PTPN20: variants seen among roughly 807,000 people sequenced by gnomAD.
The protein encoded by PTPN20 is protein tyrosine phosphatase non-receptor type 20.
In PTPN20, 9 loss-of-function variants were observed where a neutral mutation model predicts 35.0. That is an observed-to-expected ratio of 0.26 (90% CI 0.15 to 0.45). The LOEUF is 0.45. Among genes scored for constraint, PTPN20 ranks in the 20% least tolerant of loss-of-function variants. PTPN20 has a pLI of 1.00. For synonymous variants in PTPN20, 32 were observed against 100.2 expected (o/e 0.32, Z 4.06); for missense variants, 111 against 312.5 (o/e 0.36, Z 4.86).
rs2056495934 is a variant in PTPN20, at chr10:46,984,569, G to GT, written c.918+10dup. The GT allele has an allele frequency of 6.9e-7, 1 of 1,445,648 alleles. No individual in the cohort carries two copies. The highest frequency in any genetic ancestry group is 2.3e-5 in the East Asian group (1 of 43,924). The allele number at this position is 1,445,648 out of a possible 1,614,324, so 89.6% of individuals were successfully genotyped here. A position where few individuals can be genotyped will look rare whatever the true frequency, so the allele number is the denominator to read the frequency against. ...TTTCAAGTTGTGGAGAAGTCCGTAA[G>GT]TTTTTAAACATCAGTATTAGATATA... On this transcript the variant is annotated splice_donor_region_variant and intron_variant, in intron 8 of 10. Coordinates refer to ENST00000374339, the MANE Select transcript of PTPN20 (RefSeq NM_001042357.5).
At chr10:46,972,348 A>G (rs1387670923) in intron 7 of PTPN20, among the ~76,000 whole-genome samples, 3 of 151,902 alleles carry the variant, frequency 2.0e-5, no homozygotes, top group Non-Finnish European at 4.4e-5. Context: ...ACCATTGTAA[A>G]TCATTAGGAA....
chr10:46,953,396 T>TTTCTTTA (rs2047419946), intron 5 of PTPN20, among the ~76,000 whole-genome samples: 1 of 136,724 alleles, frequency 7.3e-6, no homozygotes, highest in South Asian at 2.2e-4. Context: ...TCTTTCTTTC[T>TTTCTTTA]TTTTTTTTGA....
chr10:46,996,166 T>C (rs1185036893), intron 9 of PTPN20, among the ~76,000 whole-genome samples: 3 of 152,234 alleles, frequency 2.0e-5, no homozygotes, highest in Non-Finnish European at 4.4e-5. Flanking sequence ...CAGTACATCT[T>C]TGGAAATAAC....
At chr10:46,991,826 G>A (rs2058022672) in intron 9 of PTPN20, among the ~76,000 whole-genome samples, 1 of 151,990 alleles carries the variant, frequency 6.6e-6, no homozygotes, top group South Asian at 2.1e-4. Flanking sequence ...TTGTAAGTAA[G>A]CTGACCTTTC....
chr10:46,942,037 A>G (rs1234421656), intron 3 of PTPN20, among the ~76,000 whole-genome samples: 4,456 of 10,456 alleles, frequency 0.43, 105 homozygotes, highest in Non-Finnish European at 0.45. Flanking sequence ...TGGTAGAGAC[A>G]GGGTTTCACC....
At chr10:46,939,099 A>AT (rs1184933380) in intron 2 of PTPN20, among the ~76,000 whole-genome samples, 19 of 147,796 alleles carry the variant, frequency 1.3e-4, no homozygotes, top group Admixed American at 1.1e-3. Context: ...GGAATTTCCT[A>AT]TTTTCAGAAC....
intron 1 of PTPN20, among the ~76,000 whole-genome samples, chr10:46,931,013 TATTA>T (rs1387945652): frequency 2.4e-5 from 2 of 84,654 alleles, no homozygotes; most frequent in Non-Finnish European, 4.2e-5. Flanking sequence ...TTACTCAATG[TATTA>T]ATTAGTGAAG....
At chr10:46,995,186 T>C (rs2058821855) in intron 9 of PTPN20, among the ~76,000 whole-genome samples, 1 of 152,146 alleles carries the variant, frequency 6.6e-6, no homozygotes, top group Non-Finnish European at 1.5e-5. Context: ...TTCTTCTGGA[T>C]GTGCAAGAAA....
intron 2 of PTPN20, among the ~76,000 whole-genome samples, chr10:46,939,948 A>G (rs2042926765): frequency 1.3e-5 from 2 of 152,296 alleles, no homozygotes; most frequent in East Asian, 3.9e-4. Flanking sequence ...CATGCCATAG[A>G]ATTTCTAAAT....
chr10:46,959,606 A>T, intron 5 of PTPN20, among the ~76,000 whole-genome samples: 1 of 128,902 alleles, frequency 7.8e-6, no homozygotes, highest in Non-Finnish European at 1.6e-5. Flanking sequence ...TTTTGTATTT[A>T]GTTGCCTTTT....
At chr10:46,945,430 C>G (rs1555140249) in intron 4 of PTPN20, among the ~76,000 whole-genome samples, 2 of 152,156 alleles carry the variant, frequency 1.3e-5, no homozygotes, top group African/African-American at 4.8e-5. Context: ...CCCGAATTTT[C>G]TTACAGAAGT....
intron 1 of PTPN20, among the ~76,000 whole-genome samples, chr10:46,919,087 T>C (rs1361510026): frequency 6.7e-6 from 1 of 148,792 alleles, no homozygotes; most frequent in African/African-American, 2.5e-5. Flanking sequence ...ATGTTGTCGA[T>C]GTTAATATGG....
At chr10:46,967,464 C>T (rs2135750602) in intron 6 of PTPN20, among the ~76,000 whole-genome samples, 1 of 100,542 alleles carries the variant, frequency 9.9e-6, no homozygotes, top group Admixed American at 9.1e-5. Context: ...GTTGAATTCA[C>T]ACTTGGTAAA....
At chr10:46,940,767 T>C in intron 3 of PTPN20, 50 bp downstream of exon 3, 1 of 1,440,968 alleles carries the variant, frequency 6.9e-7, no homozygotes, top group Middle Eastern at 2.5e-4. Context: ...AATACCTAAA[T>C]TGCTGACTAT....
At chr10:47,002,888 A>C (rs1464033621), downstream of PTPN20, among the ~76,000 whole-genome samples, 2 of 152,006 alleles carry the variant, frequency 1.3e-5, no homozygotes, top group Admixed American at 6.6e-5. Context: ...TACCTTTAGC[A>C]CTCAAAAGTT....
At chr10:46,929,497 A>G (rs1436149989) in intron 1 of PTPN20, among the ~76,000 whole-genome samples, 4 of 151,790 alleles carry the variant, frequency 2.6e-5, no homozygotes, top group Non-Finnish European at 4.4e-5. Context: ...TACCTCTGTG[A>G]CTTCTCAGAG....
At chr10:46,937,549 C>A (rs1174787291) in intron 2 of PTPN20, among the ~76,000 whole-genome samples, 1 of 150,250 alleles carries the variant, frequency 6.7e-6, no homozygotes, top group African/African-American at 2.5e-5. Flanking sequence ...CGCTACTGTG[C>A]GCTTCATTTT....
At position 46,949,292 on chromosome 10, in the gene PTPN20, T is replaced by G. The variant is rs1174323994; in HGVS notation, c.340+2617T>G. On this transcript the variant is annotated intron_variant, in intron 5 of 10. Transcript: ENST00000374339. Reference sequence around the variant, plus strand: ...TGAGTCTGTGAATGTGTGCAAGTTCTTTTTGTGTCTGTGGCTTTACGCTGT... The same window carrying G: ...TGAGTCTGTGAATGTGTGCAAGTTCGTTTTGTGTCTGTGGCTTTACGCTGT... Among the ~76,000 whole-genome samples, 140 of 152,320 alleles carry G rather than the reference T, an allele frequency of 9.2e-4. 2 individuals carry two copies. Among genetic ancestry groups the G allele is most frequent in the Middle Eastern group, 3.4e-3 (1 of 294 alleles).
At chr10:47,002,850 A>G (rs2060130974), downstream of PTPN20, among the ~76,000 whole-genome samples, 2 of 151,990 alleles carry the variant, frequency 1.3e-5, no homozygotes, top group African/African-American at 4.8e-5. Flanking sequence ...CAATCTCCTT[A>G]GAACATTATT....
Sources: allele counts gnomAD v4.1 joint callset (sites outside exome capture counted in the v4.1 genomes callset), GRCh38; gene constraint gnomAD v4.1.1; transcripts MANE v1.5; gene names NCBI Gene and HGNC (gene_info 2026-07-23, HGNC 2026-07-21).